DOCK1: variants seen among roughly 807,000 people sequenced by gnomAD.
DOCK1 encodes the protein dedicator of cytokinesis 1, also known as dedicator of cytokinesis protein 1.
Under a neutral mutation model 262.7 loss-of-function variants are expected in DOCK1, and 138 were observed. The observed-to-expected ratio is 0.53, with a 90% CI of 0.46 to 0.61. The LOEUF is 0.61. Among genes scored for constraint, DOCK1 ranks in the 20% least tolerant of loss-of-function variants. The pLI is 0.00. For missense variants in DOCK1, 1,908 were observed against 2,370.7 expected, an observed-to-expected ratio of 0.80 and a Z score of 4.05; for synonymous variants, 866 against 867.4, an observed-to-expected ratio of 1.00 and a Z score of 0.03.
At chr10:127,368,458 C>T (rs1565032530) in intron 33 of DOCK1, among the ~76,000 whole-genome samples, 1 of 152,092 alleles carries the variant, frequency 6.6e-6, no homozygotes, top group African/African-American at 2.4e-5. Context: ...CTCGAGACAC[C>T]ACCACAGCTG....
At chr10:127,068,351 G>T (rs1336587594) in intron 23 of DOCK1, among the ~76,000 whole-genome samples, 1 of 152,182 alleles carries the variant, frequency 6.6e-6, no homozygotes, top group Non-Finnish European at 1.5e-5. Context: ...TGTTAGGGAT[G>T]ATGATAATTT....
chr10:126,983,232 T>A (rs889182713), intron 4 of DOCK1, among the ~76,000 whole-genome samples: 7 of 150,456 alleles, frequency 4.7e-5, no homozygotes, highest in African/African-American at 1.5e-4. Context: ...CCTGGCTCTA[T>A]CTGTCTCCCT....
chr10:127,302,739 GGGGTGTGTGTGTGTGTGTGTGTGTGT>G (rs1401842862), intron 29 of DOCK1, among the ~76,000 whole-genome samples: 23 of 124,612 alleles, frequency 1.8e-4, no homozygotes, highest in African/African-American at 6.5e-4. Context: ...TGGAAAAGAG[GGGGTGTGTGTGTGTGTGTGTGTGTGT>G]GTGTGTGTGT....
At chr10:126,934,071 C>T (rs1321426841) in intron 1 of DOCK1, among the ~76,000 whole-genome samples, 1 of 152,126 alleles carries the variant, frequency 6.6e-6, no homozygotes, top group East Asian at 1.9e-4. Flanking sequence ...CTCCTCTTGG[C>T]CTCCCAAAGT....
intron 1 of DOCK1, among the ~76,000 whole-genome samples, chr10:126,952,017 T>C (rs1322019268): frequency 6.6e-6 from 1 of 151,934 alleles, no homozygotes. Context: ...GCCCAGCTAA[T>C]TTTTGTATTC....
chr10:127,043,067 T>C lies in DOCK1; in HGVS notation c.2104T>C (p.Phe702Leu). ...FDTLVFDALV[F>L]IIGLIADRKF... The stretch of plus-strand genomic sequence containing the variant: ...ATATTATTGATTAATTTGACAGGTA[T>C]TTATCATTGGACTGATTGCTGATAG... The change falls in exon 21 of 52, where the codon TTT (phenylalanine) becomes CTT (leucine). Residue 702 changes from phenylalanine to leucine, a missense_variant. Coordinates refer to ENST00000623213, the MANE Select transcript of DOCK1 (RefSeq NM_001290223.2). 3.1e-6 allele frequency: 5 copies of C among 1,600,910 alleles called. No homozygotes were observed. The highest frequency in any genetic ancestry group is 2.6e-6 in the Non-Finnish European group (3 of 1,172,666).
chr10:127,099,177 C>T (rs1041597098), intron 23 of DOCK1, among the ~76,000 whole-genome samples: 1 of 152,140 alleles, frequency 6.6e-6, no homozygotes, highest in African/African-American at 2.4e-5. Flanking sequence ...GAGAGGAATG[C>T]TTCTTGAAAA....
chr10:126,983,719 C>T (rs2039150097), intron 4 of DOCK1, among the ~76,000 whole-genome samples: 3 of 152,186 alleles, frequency 2.0e-5, no homozygotes, highest in South Asian at 2.1e-4. Context: ...CATTGACTCT[C>T]GTGAAGGATC....
At chr10:127,406,868 A>G (rs1428312009) in intron 40 of DOCK1, among the ~76,000 whole-genome samples, 1 of 152,098 alleles carries the variant, frequency 6.6e-6, no homozygotes, top group East Asian at 1.9e-4. Flanking sequence ...ATGTTTTCTC[A>G]TGTAAAGCAT....
At chr10:127,378,994 C>T (rs1423758273) in intron 35 of DOCK1, among the ~76,000 whole-genome samples, 1 of 152,198 alleles carries the variant, frequency 6.6e-6, no homozygotes, top group Non-Finnish European at 1.5e-5. Context: ...GGGTTTTGCT[C>T]ATGAAATTAA....
chr10:127,192,457 G>C (rs2056824514), intron 27 of DOCK1: 1 of 152,184 alleles, frequency 6.6e-6, no homozygotes, highest in African/African-American at 2.4e-5. Context: ...CATTTGTCAG[G>C]TTAGAATGTT....
chr10:127,050,525 A>G (rs1306002924), intron 21 of DOCK1, among the ~76,000 whole-genome samples: 2 of 147,432 alleles, frequency 1.4e-5, no homozygotes, highest in African/African-American at 2.5e-5. Context: ...AGCCTGGCCA[A>G]TATGGTGAAA....
At chr10:126,994,667 C>T (rs2040039204) in intron 6 of DOCK1, among the ~76,000 whole-genome samples, 1 of 152,242 alleles carries the variant, frequency 6.6e-6, no homozygotes, top group Non-Finnish European at 1.5e-5. Context: ...CATCCCAAGG[C>T]AGAAGAATTT....
intron 43 of DOCK1, among the ~76,000 whole-genome samples, chr10:127,411,809 C>T (rs1035253124): frequency 3.9e-5 from 6 of 152,236 alleles, no homozygotes; most frequent in African/African-American, 1.4e-4. Flanking sequence ...CATTGCACTC[C>T]AGCCTGGGGA....
Position 127,106,222 on chromosome 10 carries a change from G to T in DOCK1, c.2446-9G>T. On this transcript the variant is annotated splice_polypyrimidine_tract_variant and intron_variant, in intron 23 of 51. Coordinates refer to ENST00000623213, the MANE Select transcript of DOCK1 (RefSeq NM_001290223.2). ...ATGCTGCTCAGCCTTCTTGTTTCTT[G>T]ATTTGCAGGGGGCAGCACTGAAATA... is the stretch of plus-strand genomic sequence containing the variant. 6.3e-7 allele frequency: 1 copy of T among 1,578,430 alleles called. No homozygotes were observed. Among genetic ancestry groups the T allele is most frequent in the Non-Finnish European group, 8.6e-7 (1 of 1,160,058 alleles).
chr10:127,354,566 G>T, intron 31 of DOCK1, 103 bp from the exon 32 acceptor site: 1 of 1,284,050 alleles, frequency 7.8e-7, no homozygotes, highest in Non-Finnish European at 1.1e-6. Flanking sequence ...CTCTTTATTT[G>T]CCTCAGTGCT....
At chr10:127,037,223 T>C (rs1315942116) in intron 18 of DOCK1, among the ~76,000 whole-genome samples, 2 of 152,174 alleles carry the variant, frequency 1.3e-5, no homozygotes, top group Non-Finnish European at 2.9e-5. Context: ...GTGGTCTCAG[T>C]TGTCCAGAGC....
At chr10:127,078,316 G>T (rs189587147) in intron 23 of DOCK1, among the ~76,000 whole-genome samples, 2 of 152,176 alleles carry the variant, frequency 1.3e-5, no homozygotes, top group African/African-American at 4.8e-5. Context: ...AAGCTTTCCT[G>T]GAAACTTGCA....
At chr10:127,292,973 G>T (rs1292691665) in intron 29 of DOCK1, among the ~76,000 whole-genome samples, 3 of 152,206 alleles carry the variant, frequency 2.0e-5, no homozygotes, top group African/African-American at 2.4e-5. Context: ...AATTTGTAAT[G>T]TGAAAGGTGC....
Sources: allele counts gnomAD v4.1 joint callset (sites outside exome capture counted in the v4.1 genomes callset), GRCh38; gene constraint gnomAD v4.1.1; transcripts MANE v1.5; gene names NCBI Gene and HGNC (gene_info 2026-07-23, HGNC 2026-07-21).